Variants in CCNY observed in about 807,000 individuals in gnomAD.
CCNY encodes the protein cyclin-Y.
Under a neutral mutation model 42.8 loss-of-function variants are expected in CCNY, and 19 were observed. The observed-to-expected ratio is 0.44, with a 90% CI of 0.31 to 0.65. The LOEUF (loss-of-function observed/expected upper bound fraction) is 0.65. Among genes scored for constraint, CCNY ranks in the 30% least tolerant of loss-of-function variants. The probability of loss-of-function intolerance (pLI) is 0.07; values close to 1 mark genes in which losing one functional copy is unlikely to be tolerated. For synonymous variants in CCNY, 165 were observed against 162.7 expected, an observed-to-expected ratio of 1.01 and a Z score of -0.11; for missense variants, 370 against 437.3, an observed-to-expected ratio of 0.85 and a Z score of 1.37.
In CCNY at chr10:35,571,770, A is replaced by G. The variant is rs1455599109; in HGVS notation, c.*2600A>G. 6.6e-6 allele frequency: 1 copy of G among 152,376 alleles called. No homozygotes were observed. Among genetic ancestry groups the G allele is most frequent in the East Asian group, 1.9e-4 (1 of 5,336 alleles). 9.4% of individuals were successfully genotyped at this position (152,376 alleles called of 1,614,324 possible). A position where few individuals can be genotyped will look rare whatever the true frequency, so the allele number is the denominator to read the frequency against. ...TTGTAAGGCGAATTAATGCTCTACA[A>G]TTAAAGCTGGATTACTATTGAGGAA... On this transcript the variant is annotated 3_prime_UTR_variant, in exon 10 of 10. Transcript: ENST00000374704.
rs557952206 is a variant in CCNY, at chr10:35,491,888, A to G, written c.229+8410A>G. Among the ~76,000 whole-genome samples the G allele has an allele frequency of 5.3e-5, 8 of 151,938 alleles. No homozygotes were observed. The East Asian group carries it at 1.6e-3, about 30-fold the overall frequency. On this transcript the variant is annotated intron_variant, in intron 2 of 9. Transcript: ENST00000374704. ...CTCGGCCCTCCAAAGTGCTGGGATTACAGGTGTGAGCGACCACGCCCGGCC... is the reference window on the plus strand; with the variant it reads ...CTCGGCCCTCCAAAGTGCTGGGATTGCAGGTGTGAGCGACCACGCCCGGCC...
chr10:35,443,199 G>T (rs146208681), intron 1 of CCNY, among the ~76,000 whole-genome samples: 248 of 152,296 alleles, frequency 1.6e-3, no homozygotes, highest in Non-Finnish European at 3.1e-3. Context: ...TACTACCAGA[G>T]ACTTTGCAAA....
intron 1 of CCNY, among the ~76,000 whole-genome samples, chr10:35,446,078 C>G (rs144760141): frequency 6.6e-6 from 1 of 152,296 alleles, no homozygotes; most frequent in East Asian, 1.9e-4. Context: ...GGTTATTTGT[C>G]TCACGGGAGG....
At chr10:35,501,917 G>A (rs947143135) in intron 3 of CCNY, among the ~76,000 whole-genome samples, 1 of 152,130 alleles carries the variant, frequency 6.6e-6, no homozygotes, top group Admixed American at 6.5e-5. Flanking sequence ...ACACATAGTT[G>A]TTTTCCATGA....
intron 2 of CCNY, among the ~76,000 whole-genome samples, chr10:35,487,097 A>G (rs1259378513): frequency 4.6e-5 from 7 of 152,262 alleles, no homozygotes; most frequent in Non-Finnish European, 1.5e-5. Flanking sequence ...AAGAAGGAAG[A>G]TGACAAAACC....
upstream of CCNY, among the ~76,000 whole-genome samples, chr10:35,333,211 C>A (rs1279952092): frequency 6.6e-6 from 1 of 152,160 alleles, no homozygotes; most frequent in Admixed American, 6.5e-5. Flanking sequence ...CTCTCCCCTT[C>A]TCCACTCCCC....
intron 7 of CCNY, among the ~76,000 whole-genome samples, chr10:35,536,061 A>T (rs1167000845): frequency 6.6e-6 from 1 of 152,162 alleles, no homozygotes; most frequent in African/African-American, 2.4e-5. Flanking sequence ...TCCCCACCCA[A>T]ATCTCATCTT....
chr10:35,558,212 G>GT (rs1251022603), intron 8 of CCNY, among the ~76,000 whole-genome samples: 3 of 152,162 alleles, frequency 2.0e-5, no homozygotes, highest in African/African-American at 7.2e-5. Context: ...CTCAGAGGGA[G>GT]TTCCCCCTGA....
chr10:35,476,753 A>C (rs1256042023), intron 1 of CCNY, among the ~76,000 whole-genome samples: 2 of 151,534 alleles, frequency 1.3e-5, no homozygotes, highest in Non-Finnish European at 1.5e-5. Context: ...AACACATTCA[A>C]AAGCTAGCAG....
chr10:35,370,729 T>C (rs1359764790), intron 1 of CCNY, among the ~76,000 whole-genome samples: 1 of 151,792 alleles, frequency 6.6e-6, no homozygotes, highest in African/African-American at 2.4e-5. Context: ...ATTTTATTTT[T>C]TTTTGAGATG....
chr10:35,507,640 G>T (rs116537341), intron 3 of CCNY, among the ~76,000 whole-genome samples: 226 of 152,184 alleles, frequency 1.5e-3, no homozygotes, highest in Non-Finnish European at 1.1e-3. Context: ...CGTAATGTCC[G>T]CTACAGCGTG....
intron 1 of CCNY, among the ~76,000 whole-genome samples, chr10:35,452,441 G>A (rs1190791017): frequency 6.6e-6 from 1 of 152,164 alleles, no homozygotes; most frequent in African/African-American, 2.4e-5. Flanking sequence ...ACTGGGTTTG[G>A]TCTTTCTTAA....
intron 3 of CCNY, among the ~76,000 whole-genome samples, chr10:35,298,531 A>AG (rs1426390319): frequency 2.0e-5 from 3 of 152,116 alleles, no homozygotes; most frequent in Non-Finnish European, 4.4e-5. Flanking sequence ...TTTTTAAAAA[A>AG]CAGAGACAGG....
At chr10:35,495,816 TCAGGGCAGGAGCTCAG>T (rs1010999404) in intron 2 of CCNY, among the ~76,000 whole-genome samples, 4 of 152,142 alleles carry the variant, frequency 2.6e-5, no homozygotes, top group African/African-American at 9.7e-5. Context: ...GACTTCCCTG[TCAGGGCAGGAGCTCAG>T]CAGGGCAGGA....
At chr10:35,272,143 T>C (rs1344786734) in intron 3 of CCNY, among the ~76,000 whole-genome samples, 3 of 152,132 alleles carry the variant, frequency 2.0e-5, no homozygotes, top group African/African-American at 7.2e-5. Flanking sequence ...TGCAACACCA[T>C]GCCCAGCTAA....
chr10:35,392,326 A>G (rs1422793686), intron 1 of CCNY, among the ~76,000 whole-genome samples: 2 of 152,232 alleles, frequency 1.3e-5, no homozygotes, highest in African/African-American at 2.4e-5. Flanking sequence ...TAAAGACCAG[A>G]GGAAGGCACT....
Position 35,440,683 on chromosome 10 carries a change from G to C in CCNY, c.155-42721G>C, listed in dbSNP as rs7906494. ...CCTGTGGGAGAGAACTTCAGAATCA[G>C]CTCCTAGAAAGAGTGATTCTGGGCA... is the stretch of plus-strand genomic sequence containing the variant. On this transcript the variant is annotated intron_variant, in intron 1 of 9. Coordinates refer to ENST00000374704, the MANE Select transcript of CCNY (RefSeq NM_145012.6). Among the ~76,000 whole-genome samples, 1,218 of 152,326 alleles carry C rather than the reference G, an allele frequency of 8.0e-3. 9 individuals carry two copies. Among genetic ancestry groups the C allele is most frequent in the African/African-American group, 0.027 (1,136 of 41,562 alleles).
At chr10:35,341,308 C>T (rs1435696268) in intron 1 of CCNY, among the ~76,000 whole-genome samples, 1 of 152,184 alleles carries the variant, frequency 6.6e-6, no homozygotes. Flanking sequence ...GTCCCTTTAT[C>T]ACCTGCAGCC....
At chr10:35,504,496 A>G (rs993874032) in intron 3 of CCNY, among the ~76,000 whole-genome samples, 2 of 152,250 alleles carry the variant, frequency 1.3e-5, no homozygotes, top group Admixed American at 6.5e-5. Flanking sequence ...TTGAAGCTTG[A>G]AGCCATTTGA....
Sources: gnomAD v4.1 joint callset for allele counts (sites outside exome capture counted in the v4.1 genomes callset) on GRCh38, gnomAD v4.1.1 for gene constraint, MANE v1.5 for transcripts, NCBI Gene and HGNC (gene_info 2026-07-23, HGNC 2026-07-21) for gene names.